The following MNS1 variants were observed in gnomAD, a reference collection of about 807,000 sequenced individuals.
MNS1 encodes the protein meiosis specific nuclear structural 1, also known as meiosis-specific nuclear structural protein 1.
Under a neutral mutation model 72.0 loss-of-function variants are expected in MNS1, and 63 were observed. That is an observed-to-expected ratio of 0.87 (90% CI 0.71 to 1.08). MNS1 has a LOEUF of 1.08. Among genes scored for constraint, MNS1 ranks in the 50% least tolerant of loss-of-function variants. The probability of loss-of-function intolerance (pLI) is 0.00; values close to 1 mark genes in which losing one functional copy is unlikely to be tolerated. For missense variants in MNS1, 604 were observed against 562.4 expected (o/e 1.07, Z -0.75); for synonymous variants, 188 against 172.1 (o/e 1.09, Z -0.72).
chr15:56,437,481 T>A (rs2050746905), intron 7 of MNS1, among the ~76,000 whole-genome samples: 1 of 152,174 alleles, frequency 6.6e-6, no homozygotes. Context: ...TAATAAGAGC[T>A]ATTTATGACA....
intron 2 of MNS1, among the ~76,000 whole-genome samples, chr15:56,456,830 T>A (rs916418472): frequency 6.6e-6 from 1 of 152,274 alleles, no homozygotes. Flanking sequence ...TTTTTTCCCT[T>A]ATTCTTTTTC....
Position 56,434,161 on chromosome 15 carries a change from G to A in MNS1, c.1246C>T (p.Arg416Cys), listed in dbSNP as rs146543232. The stretch of plus-strand genomic sequence containing the variant: ...ACTTTGTCTGCAAGGAATTGTTGGC[G>A]ACGCTCTTCAATAAGTTTTTCCACA... Reference protein sequence around the residue: ...RAVEKLIEERRQQFLADKQRE... With the variant: ...RAVEKLIEERCQQFLADKQRE... The change falls in exon 8 of 10, where the codon CGC becomes TGC. Residue 416 changes from arginine to cysteine, a missense_variant. Arg to Cys is a radical substitution (Grantham distance 180). Transcript: ENST00000260453. 3.8e-5 allele frequency: 62 copies of A among 1,612,892 alleles called. No individual in the cohort carries two copies. The highest frequency in any genetic ancestry group is 8.0e-5 in the African/African-American group (6 of 74,812).
At chr15:56,454,352 C>T (rs925161631) in intron 3 of MNS1, among the ~76,000 whole-genome samples, 1 of 103,026 alleles carries the variant, frequency 9.7e-6, no homozygotes, top group Non-Finnish European at 2.1e-5. Context: ...ATTTGTGTTA[C>T]AAACAATCCA....
At chr15:56,461,451 A>C (rs1428828832) in intron 2 of MNS1, among the ~76,000 whole-genome samples, 3 of 152,154 alleles carry the variant, frequency 2.0e-5, no homozygotes, top group African/African-American at 7.2e-5. Context: ...ACTTGAAGTC[A>C]GGAGTTCAAG....
chr15:56,439,207 G>A (rs2050778735), intron 7 of MNS1, among the ~76,000 whole-genome samples: 1 of 152,098 alleles, frequency 6.6e-6, no homozygotes, highest in Non-Finnish European at 1.5e-5. Flanking sequence ...ACACTTAGAT[G>A]TAACAAAACA....
At chr15:56,459,174 C>G (rs1270569839) in intron 2 of MNS1, among the ~76,000 whole-genome samples, 1 of 152,192 alleles carries the variant, frequency 6.6e-6, no homozygotes, top group Non-Finnish European at 1.5e-5. Flanking sequence ...CATGGATTTG[C>G]ATATTCTGGA....
chr15:56,431,548 C>T (rs754460591), intron 8 of MNS1, 50 bp from the exon 9 acceptor site: 66 of 1,596,298 alleles, frequency 4.1e-5, no homozygotes, highest in East Asian at 2.2e-4. Flanking sequence ...TAATCTTATA[C>T]GAAGTTTTCA....
At position 56,443,619 on chromosome 15, in the gene MNS1, GA is replaced by G. The variant is rs774690466; in HGVS notation, c.903+18del. The G allele has an allele frequency of 6.2e-7, 1 of 1,605,426 alleles. No homozygotes were observed. The highest frequency in any genetic ancestry group is 1.1e-5 in the South Asian group (1 of 88,938). ...ATTTCAGAATTTTACTAGTGTTAAA[GA>G]AGTGGTTATTTTAATACCGCATTCT... On this transcript the variant is annotated intron_variant, in intron 6 of 9. Coordinates refer to ENST00000260453, the MANE Select transcript of MNS1 (RefSeq NM_018365.4).
chr15:56,448,131 T>A (rs1256371445), intron 3 of MNS1, among the ~76,000 whole-genome samples: 2 of 152,212 alleles, frequency 1.3e-5, no homozygotes, highest in Middle Eastern at 3.2e-3. Flanking sequence ...TTATTTGTGG[T>A]CACAGGCTTT....
chr15:56,430,476 G>T (rs1376428435), intron 9 of MNS1, among the ~76,000 whole-genome samples: 3 of 152,176 alleles, frequency 2.0e-5, no homozygotes, highest in Non-Finnish European at 4.4e-5. Flanking sequence ...AAAGTGCTGG[G>T]ATTATAGGCA....
intron 2 of MNS1, among the ~76,000 whole-genome samples, chr15:56,456,920 G>A (rs2050985255): frequency 6.6e-6 from 1 of 151,910 alleles, no homozygotes; most frequent in South Asian, 2.1e-4. Flanking sequence ...TACCTGATCA[G>A]AATTTTTAAA....
rs1289656438 is a variant in MNS1 at position 56,432,762 on chromosome 15, G to A, written c.1270-1264C>T. Among the ~76,000 whole-genome samples, 61 of 152,164 alleles carry A rather than the reference G, an allele frequency of 4.0e-4. 1 individual carries two copies. The highest frequency in any genetic ancestry group is 1.5e-5 in the Non-Finnish European group (1 of 68,024). On this transcript the variant is annotated intron_variant, in intron 8 of 9. Coordinates refer to ENST00000260453, the MANE Select transcript of MNS1 (RefSeq NM_018365.4). The stretch of plus-strand genomic sequence containing the variant: ...TGATCCTGCTTAGCTTCTGAGAACA[G>A]ATGAGCTCCAATCTGAAATATAACA...
intron 3 of MNS1, among the ~76,000 whole-genome samples, chr15:56,454,300 A>T (rs1208596691): frequency 1.3e-5 from 2 of 152,214 alleles, no homozygotes. Context: ...CATACTAATC[A>T]TATCATGGAA....
intron 7 of MNS1, among the ~76,000 whole-genome samples, chr15:56,436,172 C>G (rs148875412): frequency 6.6e-6 from 1 of 152,074 alleles, no homozygotes; most frequent in African/African-American, 2.4e-5. Context: ...AGCACCACAC[C>G]GCACTTATTC....
intron 2 of MNS1, among the ~76,000 whole-genome samples, chr15:56,460,032 ATATG>A (rs1299699587): frequency 4.7e-5 from 5 of 105,972 alleles, no homozygotes; most frequent in East Asian, 2.4e-4. Flanking sequence ...ATATATATAT[ATATG>A]TGACTATAGT....
rs778423301 is a variant in MNS1, at chr15:56,461,977, T to TGTTG, written c.225+2048_225+2049insCAAC. Among the ~76,000 whole-genome samples the TGTTG allele has an allele frequency of 6.7e-4, 4 of 6,004 alleles. 1 individual carries two copies. The highest frequency in any genetic ancestry group is 1.3e-3 in the Non-Finnish European group (4 of 3,002). 3.9% of individuals were successfully genotyped at this position (6,004 alleles called of 152,430 possible). A position where few individuals can be genotyped will look rare whatever the true frequency, so the allele number is the denominator to read the frequency against. The stretch of plus-strand genomic sequence containing the variant: ...TAACAAAGTGTTTTTTTGTTGTTGT[T>TGTTG]TTTTTTTTTTTTTTTTTTTTTTTTT... On this transcript the variant is annotated intron_variant, in intron 2 of 9. Coordinates refer to ENST00000260453, the MANE Select transcript of MNS1 (RefSeq NM_018365.4).
chr15:56,445,049 C>T (rs1174682033), intron 4 of MNS1, among the ~76,000 whole-genome samples: 4 of 151,932 alleles, frequency 2.6e-5, no homozygotes, highest in Admixed American at 2.6e-4. Flanking sequence ...TCGTTTTTAG[C>T]TTCATTGTTT....
rs759787833 is a variant in MNS1, at chr15:56,434,323, C to A, written c.1084G>T (p.Glu362Ter). Residue 362 changes from glutamate (E) to a stop codon, truncating the protein, a stop_gained, in exon 8 of 10, where the codon GAA becomes TAA. Coordinates refer to ENST00000260453, the MANE Select transcript of MNS1 (RefSeq NM_018365.4). LOFTEE classifies it high-confidence loss of function. ...QDFEEQMALK[E>*]LVLQAAKEEE... Reference sequence around the variant, plus strand: ...TCTTTTGCAGCCTGTAGCACTAATTCCTTCAAGGCCATTTGTTCTTCAAAA... The same window carrying A: ...TCTTTTGCAGCCTGTAGCACTAATTACTTCAAGGCCATTTGTTCTTCAAAA... 1.3e-5 allele frequency: 21 copies of A among 1,613,706 alleles called. No individual in the cohort carries two copies. The highest frequency in any genetic ancestry group is 3.3e-5 in the South Asian group (3 of 91,054).
intron 9 of MNS1, 45 bp from the exon 10 acceptor site, chr15:56,429,238 T>G: frequency 8.1e-7 from 1 of 1,241,518 alleles, no homozygotes; most frequent in Non-Finnish European, 1.2e-6. Context: ...TACCAGAATA[T>G]TTCACTAAAT....
Sources: gnomAD v4.1 joint callset for allele counts (sites outside exome capture counted in the v4.1 genomes callset) on GRCh38, gnomAD v4.1.1 for gene constraint, MANE v1.5 for transcripts, NCBI Gene and HGNC (gene_info 2026-07-23, HGNC 2026-07-21) for gene names.